ME2: variants seen among roughly 807,000 people sequenced by gnomAD.
The protein encoded by ME2 is NAD-dependent malic enzyme, mitochondrial.
In ME2, 60 loss-of-function variants were observed where a neutral mutation model predicts 73.7. The observed-to-expected ratio is 0.81, with a 90% CI of 0.66 to 1.01. The LOEUF (loss-of-function observed/expected upper bound fraction) is 1.01, where lower values mean the gene tolerates loss of function less well. ME2 is among the 50% of genes least tolerant of loss of function. The probability of loss-of-function intolerance (pLI) is 0.00; values close to 1 mark genes in which losing one functional copy is unlikely to be tolerated. For synonymous variants in ME2, 199 were observed against 236.9 expected (o/e 0.84, Z 1.47); for missense variants, 594 against 705.5 (o/e 0.84, Z 1.79).
At chr18:50,900,234 G>C (rs1916853505) in intron 2 of ME2, among the ~76,000 whole-genome samples, 1 of 150,834 alleles carries the variant, frequency 6.6e-6, no homozygotes, top group Non-Finnish European at 1.5e-5. Flanking sequence ...TTTTAAATAA[G>C]AATAGGGGGA....
At chr18:50,917,539 C>G in intron 6 of ME2, 31 bp downstream of exon 6, 1 of 1,466,478 alleles carries the variant, frequency 6.8e-7, no homozygotes, top group Non-Finnish European at 9.3e-7. Context: ...CCTTTATCTT[C>G]CTCCTGTATT....
At chr18:50,899,731 C>T (rs895631741) in intron 2 of ME2, among the ~76,000 whole-genome samples, 4 of 152,180 alleles carry the variant, frequency 2.6e-5, no homozygotes, top group African/African-American at 9.7e-5. Context: ...GAGTTACTCC[C>T]CTGTCCTTTG....
chr18:50,917,191 A>G (rs1917305928), intron 5 of ME2, 156 bp from the exon 6 acceptor site: 3 of 562,528 alleles, frequency 5.3e-6, no homozygotes, highest in East Asian at 5.8e-5. Flanking sequence ...AATTTTAAGT[A>G]TGCTTTGTTG....
intron 2 of ME2, among the ~76,000 whole-genome samples, chr18:50,897,595 T>C (rs1916775149): frequency 6.6e-6 from 1 of 151,948 alleles, no homozygotes. Context: ...ACATGGTGGC[T>C]TATGCCTGTA....
chr18:50,932,215 C>G (rs1917708944), intron 12 of ME2, 43 bp from the exon 13 acceptor site: 1 of 1,534,366 alleles, frequency 6.5e-7, no homozygotes, highest in African/African-American at 1.4e-5. Context: ...TTTTCTCATC[C>G]ACAGAAAATA....
chr18:50,904,758 T>C (rs1384759671), intron 2 of ME2, among the ~76,000 whole-genome samples: 1 of 152,146 alleles, frequency 6.6e-6, no homozygotes, highest in Non-Finnish European at 1.5e-5. Flanking sequence ...GCATTTAGAC[T>C]ATGCTCCATC....
chr18:50,913,580 G>A (rs1041898758), intron 4 of ME2, among the ~76,000 whole-genome samples: 2 of 151,998 alleles, frequency 1.3e-5, no homozygotes, highest in African/African-American at 4.8e-5. Context: ...TGATCAGCCT[G>A]CCTCAGCCTC....
chr18:50,945,085 CATGTT>C (rs1918050719), intron 15 of ME2: 1 of 152,056 alleles, frequency 6.6e-6, no homozygotes, highest in Non-Finnish European at 1.5e-5. Context: ...GTACTAATGA[CATGTT>C]ATGTTTATTT....
At chr18:50,880,418 A>G (rs1381196557) in intron 1 of ME2, among the ~76,000 whole-genome samples, 3 of 152,212 alleles carry the variant, frequency 2.0e-5, no homozygotes, top group African/African-American at 4.8e-5. Flanking sequence ...GCTAATTGCG[A>G]TGTTGTACCC....
At chr18:50,945,981 C>T (rs898135197) in intron 15 of ME2, among the ~76,000 whole-genome samples, 1 of 152,090 alleles carries the variant, frequency 6.6e-6, no homozygotes, top group African/African-American at 2.4e-5. Flanking sequence ...GCAGGAGAAT[C>T]GCTTGAACCC....
chr18:50,924,275 C>A, intron 11 of ME2, 63 bp downstream of exon 11: 3 of 1,062,742 alleles, frequency 2.8e-6, no homozygotes, highest in Non-Finnish European at 4.3e-6. Flanking sequence ...GTCATCATTA[C>A]CATGTAGGAT....
At chr18:50,881,648 A>T (rs535333058) in intron 1 of ME2, among the ~76,000 whole-genome samples, 2 of 152,254 alleles carry the variant, frequency 1.3e-5, no homozygotes, top group South Asian at 2.1e-4. Flanking sequence ...TTGAGATTTG[A>T]TTTGAAATAT....
intron 13 of ME2, among the ~76,000 whole-genome samples, chr18:50,937,071 A>G (rs1326335109): frequency 2.6e-5 from 4 of 152,218 alleles, no homozygotes; most frequent in African/African-American, 9.7e-5. Context: ...TCCGAAAAGC[A>G]AGAAAAAAGA....
At chr18:50,906,250 A>G (rs564177256) in intron 2 of ME2, among the ~76,000 whole-genome samples, 6 of 152,282 alleles carry the variant, frequency 3.9e-5, no homozygotes, top group Admixed American at 6.5e-5. Flanking sequence ...CAGGAAATCA[A>G]ATACTCCTCC....
intron 15 of ME2, 107 bp downstream of exon 15, chr18:50,940,493 A>G: frequency 1.3e-6 from 1 of 755,084 alleles, no homozygotes; most frequent in East Asian, 2.8e-5. Context: ...GCTGCAAAGA[A>G]GAAATTTTAG....
At chr18:50,909,112 C>T (rs764544803) in intron 3 of ME2, among the ~76,000 whole-genome samples, 2 of 151,978 alleles carry the variant, frequency 1.3e-5, no homozygotes, top group Admixed American at 6.6e-5. Context: ...CACCACCACA[C>T]CCGGCTAATT....
intron 2 of ME2, among the ~76,000 whole-genome samples, chr18:50,905,646 G>A (rs888146697): frequency 6.6e-5 from 10 of 152,174 alleles, no homozygotes; most frequent in Admixed American, 6.5e-5. Flanking sequence ...GGGACAACTC[G>A]AAGTGGGGGC....
Position 50,940,243 on chromosome 18 carries a change from C to T in ME2, c.1489-45C>T, listed in dbSNP as rs73960351. ...TTTTTCCATTTACTGGGTCCTTATTCTGTTATTTAAACAAACAAAAGCAAA... is the reference window on the plus strand; with the variant it reads ...TTTTTCCATTTACTGGGTCCTTATTTTGTTATTTAAACAAACAAAAGCAAA... On this transcript the variant is annotated intron_variant, in intron 14 of 15. Transcript: ENST00000321341. The T allele has an allele frequency of 3.1e-4, 402 of 1,303,446 alleles. 2 individuals are homozygous for T. The African/African-American group carries it at 5.5e-3, about 18-fold the overall frequency. 80.7% of individuals were successfully genotyped at this position (1,303,446 alleles called of 1,614,324 possible).
At chr18:50,907,908 C>T (rs1452785095) in intron 2 of ME2, among the ~76,000 whole-genome samples, 155 bp from the exon 3 acceptor site, 2 of 152,140 alleles carry the variant, frequency 1.3e-5, no homozygotes, top group Admixed American at 1.3e-4. Context: ...ACACCCTGAC[C>T]AATACTGACA....
Sources: allele counts gnomAD v4.1 joint callset (sites outside exome capture counted in the v4.1 genomes callset), GRCh38; gene constraint gnomAD v4.1.1; transcripts MANE v1.5; gene names NCBI Gene and HGNC (gene_info 2026-07-23, HGNC 2026-07-21).